Variants in SAMD12 observed in about 807,000 individuals in gnomAD.
The protein encoded by SAMD12 is sterile alpha motif domain containing 12, also known as sterile alpha motif domain-containing protein 12.
SAMD12 carries 9 observed loss-of-function variants against 15.0 expected under a neutral mutation model. That is an observed-to-expected ratio of 0.60 (90% CI 0.36 to 1.05). The LOEUF is 1.05. Among genes scored for constraint, SAMD12 ranks in the 50% least tolerant of loss-of-function variants. The pLI, the probability that SAMD12 is intolerant of heterozygous loss-of-function variation, is 0.01. For synonymous variants in SAMD12, 86 were observed against 90.1 expected, an observed-to-expected ratio of 0.96 and a Z score of 0.25; for missense variants, 230 against 234.2, an observed-to-expected ratio of 0.98 and a Z score of 0.12.
intron 2 of SAMD12, among the ~76,000 whole-genome samples, chr8:118,507,682 A>G (rs1824958043): frequency 6.6e-6 from 1 of 152,248 alleles, no homozygotes; most frequent in Admixed American, 6.5e-5. Context: ...AAGTAGTACA[A>G]CTGATCCTTG....
At chr8:118,514,428 C>T (rs1488400341) in intron 2 of SAMD12, among the ~76,000 whole-genome samples, 1 of 152,176 alleles carries the variant, frequency 6.6e-6, no homozygotes, top group Non-Finnish European at 1.5e-5. Context: ...TCATTCACAG[C>T]AAATATTTAT....
At chr8:118,349,296 A>G (rs187745217) in intron 4 of SAMD12, among the ~76,000 whole-genome samples, 12 of 152,368 alleles carry the variant, frequency 7.9e-5, no homozygotes, top group African/African-American at 2.9e-4. Flanking sequence ...GATATATGAA[A>G]AGTCAGCTGT....
chr8:118,321,144 A>AAT lies in SAMD12; in HGVS notation c.433+58414_433+58415dup, dbSNP rs4053452. Among the ~76,000 whole-genome samples, 681 of 94,280 alleles carry AAT rather than the reference A, an allele frequency of 7.2e-3. 5 individuals are homozygous for AAT. Among genetic ancestry groups the AAT allele is most frequent in the South Asian group, 0.015 (37 of 2,492 alleles). The allele number at this position is 94,280 out of a possible 152,430, so 61.9% of individuals were successfully genotyped here. A position where few individuals can be genotyped will look rare whatever the true frequency, so the allele number is the denominator to read the frequency against. On this transcript the variant is annotated intron_variant, in intron 4 of 4. Transcript: ENST00000409003. ...TATAACATATATATCATAGATAATAAATATATATATATATATATATATATA... is the reference window on the plus strand; with the variant it reads ...TATAACATATATATCATAGATAATAAATATATATATATATATATATATATATA...
intron 1 of SAMD12, among the ~76,000 whole-genome samples, chr8:118,618,364 T>TA (rs913853741): frequency 4.8e-4 from 73 of 152,308 alleles, no homozygotes; most frequent in African/African-American, 1.7e-3. Flanking sequence ...TTACACATAG[T>TA]AAAAAACCTT....
intron 2 of SAMD12, among the ~76,000 whole-genome samples, chr8:118,545,274 C>A (rs1298260162): frequency 6.6e-6 from 1 of 152,190 alleles, no homozygotes; most frequent in African/African-American, 2.4e-5. Context: ...GGAGACCAGC[C>A]TGGCTAACAC....
At position 118,395,858 on chromosome 8, in the gene SAMD12, T is replaced by C. The variant is rs368319857; in HGVS notation, c.323-16158A>G. On this transcript the variant is annotated intron_variant, in intron 3 of 3. Coordinates refer to ENST00000314727, the MANE Select transcript of SAMD12 (RefSeq NM_207506.3). ...CTGTAGTCCCAGCTACTCGGGAGGC[T>C]GAGGCAGGAGAATGGGGTGAACCCA... 4.0e-5 allele frequency among the ~76,000 whole-genome samples: 6 copies of C among 149,836 alleles called. No individual in the cohort carries two copies. In the East Asian group the frequency reaches 9.8e-4, roughly 25 times the overall value.
chr8:118,356,114 C>T (rs527844350), intron 4 of SAMD12, among the ~76,000 whole-genome samples: 1 of 152,290 alleles, frequency 6.6e-6, no homozygotes, highest in East Asian at 1.9e-4. Context: ...AATTACTTTG[C>T]AAAAATATCC....
At chr8:118,228,450 A>C (rs985273930) in intron 4 of SAMD12, among the ~76,000 whole-genome samples, 1 of 152,208 alleles carries the variant, frequency 6.6e-6, no homozygotes, top group Non-Finnish European at 1.5e-5. Context: ...AAGAAAAACA[A>C]ACAATTCCAT....
At chr8:118,521,032 G>A (rs931585114) in intron 2 of SAMD12, among the ~76,000 whole-genome samples, 2 of 152,128 alleles carry the variant, frequency 1.3e-5, no homozygotes, top group Non-Finnish European at 2.9e-5. Flanking sequence ...GTATATTAAT[G>A]CATACGTATA....
intron 4 of SAMD12, among the ~76,000 whole-genome samples, chr8:118,280,916 C>A (rs908725850): frequency 1.3e-5 from 2 of 152,130 alleles, no homozygotes; most frequent in Non-Finnish European, 2.9e-5. Flanking sequence ...GTGTATTCTG[C>A]GTCCTCAAGC....
At chr8:118,294,614 G>A (rs1352051060) in intron 4 of SAMD12, among the ~76,000 whole-genome samples, 3 of 152,050 alleles carry the variant, frequency 2.0e-5, no homozygotes, top group Admixed American at 2.0e-4. Flanking sequence ...GGGATAAACA[G>A]GAACTTAACT....
chr8:118,314,384 A>G (rs756672130), intron 4 of SAMD12, among the ~76,000 whole-genome samples: 19 of 152,244 alleles, frequency 1.2e-4, no homozygotes, highest in Non-Finnish European at 1.5e-4. Context: ...ACTCACATTT[A>G]TATAATCAAT....
intron 2 of SAMD12, among the ~76,000 whole-genome samples, chr8:118,529,446 A>G (rs751452230): frequency 3.3e-5 from 5 of 152,178 alleles, no homozygotes; most frequent in Non-Finnish European, 4.4e-5. Context: ...TGTTACATGG[A>G]TATATTGCAT....
At chr8:118,292,151 G>C (rs966279113) in intron 4 of SAMD12, among the ~76,000 whole-genome samples, 1 of 151,332 alleles carries the variant, frequency 6.6e-6, no homozygotes, top group Non-Finnish European at 1.5e-5. Context: ...AGGGCAGGAG[G>C]GGGTAGGGGG....
intron 2 of SAMD12, among the ~76,000 whole-genome samples, chr8:118,519,634 T>A (rs1825334930): frequency 1.3e-5 from 2 of 152,194 alleles, no homozygotes; most frequent in Admixed American, 6.5e-5. Context: ...GATGATCGTA[T>A]CTTTGAGTTG....
intron 2 of SAMD12, among the ~76,000 whole-genome samples, chr8:118,469,509 A>AATATGTAAT (rs1563879057): frequency 1.4e-3 from 1 of 720 alleles, no homozygotes; most frequent in African/African-American, 3.0e-3. Context: ...ATTTTTATAT[A>AATATGTAAT]ATATATAATA....
chr8:118,621,704 C>A, intron 1 of SAMD12, 100 bp downstream of exon 1: 1 of 1,406,632 alleles, frequency 7.1e-7, no homozygotes, highest in Non-Finnish European at 1.0e-6. Flanking sequence ...CCGCCACCCC[C>A]TTTCCTCGCC....
At chr8:118,495,897 T>C (rs6985409) in intron 2 of SAMD12, among the ~76,000 whole-genome samples, 4,242 of 152,214 alleles carry the variant, frequency 0.028, 219 homozygotes, top group African/African-American at 0.096. Context: ...TTTAAGAGTA[T>C]AGAATTCTGT....
At chr8:118,368,864 T>C (rs1265934029) in intron 4 of SAMD12, among the ~76,000 whole-genome samples, 1 of 152,190 alleles carries the variant, frequency 6.6e-6, no homozygotes, top group Non-Finnish European at 1.5e-5. Flanking sequence ...AGCACTACCT[T>C]GCTTTTATAC....
Sources: allele counts gnomAD v4.1 joint callset (sites outside exome capture counted in the v4.1 genomes callset), GRCh38; gene constraint gnomAD v4.1.1; transcripts MANE v1.5; gene names NCBI Gene and HGNC (gene_info 2026-07-23, HGNC 2026-07-21).